The following WDFY2 variants were observed in gnomAD, a reference collection of about 807,000 sequenced individuals.
WDFY2 encodes the protein WD repeat and FYVE domain-containing protein 2.
In WDFY2, 36 loss-of-function variants were observed where a neutral mutation model predicts 56.4. The ratio of observed to expected loss-of-function variants is 0.64; its 90% CI spans 0.49 to 0.84. The LOEUF (loss-of-function observed/expected upper bound fraction) is 0.84, where lower values mean the gene tolerates loss of function less well. Ranked by LOEUF, WDFY2 falls within the 40% of genes least tolerant of loss-of-function variation. The pLI, the probability that WDFY2 is intolerant of heterozygous loss-of-function variation, is 0.00. For synonymous variants in WDFY2, 176 were observed against 183.7 expected, an observed-to-expected ratio of 0.96 and a Z score of 0.34; for missense variants, 444 against 512.2, an observed-to-expected ratio of 0.87 and a Z score of 1.29.
At chr13:51,616,229 C>T (rs1219585270) in intron 1 of WDFY2, among the ~76,000 whole-genome samples, 1 of 152,058 alleles carries the variant, frequency 6.6e-6, no homozygotes, top group African/African-American at 2.4e-5. Flanking sequence ...AGAATAAGAC[C>T]CTGTCTCAAT....
intron 3 of WDFY2, among the ~76,000 whole-genome samples, chr13:51,691,557 T>G (rs978026174): frequency 1.3e-3 from 201 of 152,082 alleles, no homozygotes; most frequent in African/African-American, 4.5e-3. Context: ...TTGATCTATA[T>G]CTCTGTTTTG....
chr13:51,729,256 G>A (rs1419627939), intron 6 of WDFY2, among the ~76,000 whole-genome samples: 1 of 151,814 alleles, frequency 6.6e-6, no homozygotes, highest in African/African-American at 2.4e-5. Context: ...ACGATTTCCT[G>A]TGCAGACTCA....
chr13:51,617,212 A>G (rs1437608182), intron 1 of WDFY2, among the ~76,000 whole-genome samples: 4 of 152,214 alleles, frequency 2.6e-5, no homozygotes, highest in African/African-American at 9.6e-5. Context: ...TCTGTTAGCC[A>G]TCAGATGTGT....
chr13:51,641,010 G>C (rs1272169001), intron 1 of WDFY2, among the ~76,000 whole-genome samples: 1 of 152,210 alleles, frequency 6.6e-6, no homozygotes, highest in African/African-American at 2.4e-5. Context: ...AATTTTGTTA[G>C]TGGAAGTTAT....
intron 1 of WDFY2, among the ~76,000 whole-genome samples, chr13:51,603,029 G>A (rs1278896151): frequency 6.6e-6 from 1 of 152,018 alleles, no homozygotes; most frequent in Non-Finnish European, 1.5e-5. Flanking sequence ...TTATACCTGG[G>A]GACTTGTGGT....
chr13:51,731,783 G>A (rs1352537076), intron 6 of WDFY2, among the ~76,000 whole-genome samples: 2 of 152,134 alleles, frequency 1.3e-5, no homozygotes, highest in Non-Finnish European at 2.9e-5. Flanking sequence ...TCCATTAAAG[G>A]GCAGCTTTGC....
intron 1 of WDFY2, among the ~76,000 whole-genome samples, chr13:51,616,712 G>C (rs1261648150): frequency 6.6e-6 from 1 of 152,196 alleles, no homozygotes; most frequent in Non-Finnish European, 1.5e-5. Flanking sequence ...TTAGTCGCAT[G>C]GTCGTGGCTA....
intron 4 of WDFY2, among the ~76,000 whole-genome samples, chr13:51,704,454 A>C (rs1166367257): frequency 6.6e-6 from 1 of 152,224 alleles, no homozygotes; most frequent in Admixed American, 6.5e-5. Flanking sequence ...AATCATGGAG[A>C]GGATACGGAT....
intron 7 of WDFY2, among the ~76,000 whole-genome samples, chr13:51,748,180 G>A (rs552634171): frequency 6.6e-6 from 1 of 152,230 alleles, no homozygotes; most frequent in Admixed American, 6.5e-5. Context: ...TGCCAAAACT[G>A]TTTTTCCACC....
intron 6 of WDFY2, among the ~76,000 whole-genome samples, chr13:51,728,256 A>G (rs558414691): frequency 6.6e-6 from 1 of 152,334 alleles, no homozygotes; most frequent in South Asian, 2.1e-4. Context: ...ACTTTGTGAA[A>G]AAGGTCAAGT....
At chr13:51,718,519 TTATTAACAACTC>T (rs757233660) in intron 4 of WDFY2, among the ~76,000 whole-genome samples, 13 of 151,368 alleles carry the variant, frequency 8.6e-5, no homozygotes, top group Middle Eastern at 3.4e-3. Context: ...TTGCTCTTGT[TTATTAACAACTC>T]TAGGAAATTT....
At chr13:51,650,149 G>A (rs1955346376) in intron 1 of WDFY2, among the ~76,000 whole-genome samples, 1 of 151,748 alleles carries the variant, frequency 6.6e-6, no homozygotes, top group South Asian at 2.1e-4. Context: ...TTGTAAGTTG[G>A]ATTCCTAGGT....
chr13:51,758,326 T>A, intron 11 of WDFY2, 26 bp downstream of exon 11: 1 of 1,524,614 alleles, frequency 6.6e-7, no homozygotes, highest in Non-Finnish European at 9.0e-7. Context: ...ATTAAGAAGC[T>A]TTCCATCTTT....
chr13:51,710,200 C>G (rs1231945314), intron 4 of WDFY2, among the ~76,000 whole-genome samples: 1 of 152,156 alleles, frequency 6.6e-6, no homozygotes, highest in Non-Finnish European at 1.5e-5. Context: ...ATGATTATCT[C>G]AATAGATGCA....
intron 4 of WDFY2, among the ~76,000 whole-genome samples, chr13:51,716,617 C>T (rs1410910461): frequency 3.5e-5 from 5 of 141,162 alleles, no homozygotes; most frequent in African/African-American, 1.0e-4. Context: ...GGCGTGAACC[C>T]GGGAGGCGGA....
rs531091433 is a variant in WDFY2 at position 51,600,680 on chromosome 13, T to A, written c.137+15856T>A. Among the ~76,000 whole-genome samples the A allele has an allele frequency of 1.1e-4, 16 of 151,970 alleles. No homozygotes were observed. The South Asian group carries it at 3.3e-3, about 32-fold the overall frequency. The stretch of plus-strand genomic sequence containing the variant: ...GAGTCATGTTGCAGGGATATGGCAA[T>A]CCCCACTGCAGTCTGTGGATGGGGA... On this transcript the variant is annotated intron_variant, in intron 1 of 11. Coordinates refer to ENST00000298125, the MANE Select transcript of WDFY2 (RefSeq NM_052950.4).
Position 51,690,518 on chromosome 13 carries a change from C to T in WDFY2, c.280-13078C>T, listed in dbSNP as rs867093460. Reference sequence around the variant, plus strand: ...ATTTCATCCATGTCCCTACAAAGGACGTGAACTCATCATTTTTTATGGCTG... The same window carrying T: ...ATTTCATCCATGTCCCTACAAAGGATGTGAACTCATCATTTTTTATGGCTG... On this transcript the variant is annotated intron_variant, in intron 3 of 11. Transcript: ENST00000298125. 2.9e-3 allele frequency among the ~76,000 whole-genome samples: 438 copies of T among 152,046 alleles called. 2 individuals are homozygous for T. The highest frequency in any genetic ancestry group is 0.01 in the African/African-American group (416 of 41,464).
At chr13:51,716,758 G>A (rs550758708) in intron 4 of WDFY2, among the ~76,000 whole-genome samples, 4 of 138,694 alleles carry the variant, frequency 2.9e-5, no homozygotes, top group Non-Finnish European at 6.2e-5. Context: ...AAAGAAAACT[G>A]CAGACCAATA....
At chr13:51,662,241 C>T (rs1248234010) in intron 2 of WDFY2, among the ~76,000 whole-genome samples, 1 of 152,152 alleles carries the variant, frequency 6.6e-6, no homozygotes, top group African/African-American at 2.4e-5. Flanking sequence ...AAAGTGCTTA[C>T]AGGCATGAGC....
Sources: allele counts gnomAD v4.1 joint callset (sites outside exome capture counted in the v4.1 genomes callset), GRCh38; gene constraint gnomAD v4.1.1; transcripts MANE v1.5; gene names NCBI Gene and HGNC (gene_info 2026-07-23, HGNC 2026-07-21).